The following LAMB1 variants were observed in gnomAD, a reference collection of about 807,000 sequenced individuals.
LAMB1 encodes the protein laminin subunit beta-1.
A neutral mutation model predicts 222.3 loss-of-function variants in LAMB1; 121 were observed. That is an observed-to-expected ratio of 0.54 (90% CI 0.47 to 0.63). The LOEUF (loss-of-function observed/expected upper bound fraction) is 0.63, where lower values mean the gene tolerates loss of function less well. Ranked by LOEUF, LAMB1 falls within the 30% of genes least tolerant of loss-of-function variation. The probability of loss-of-function intolerance (pLI) is 0.00; values close to 1 mark genes in which losing one functional copy is unlikely to be tolerated. For synonymous variants in LAMB1, 794 were observed against 807.2 expected (o/e 0.98, Z 0.28); for missense variants, 2,172 against 2,240.8 (o/e 0.97, Z 0.62).
chr7:107,972,625 C>T (rs1433586815), intron 13 of LAMB1, among the ~76,000 whole-genome samples: 1 of 151,758 alleles, frequency 6.6e-6, no homozygotes. Context: ...AAAAGATTCT[C>T]TACACAAATC....
chr7:107,964,763 G>A (rs2033593842), intron 13 of LAMB1, 76 bp from the exon 14 acceptor site: 2 of 1,540,214 alleles, frequency 1.3e-6, no homozygotes, highest in Non-Finnish European at 1.8e-6. Context: ...CTCTACAGCT[G>A]CCATTACTCA....
intron 27 of LAMB1, among the ~76,000 whole-genome samples, chr7:107,934,321 A>G (rs1314594704): frequency 6.6e-6 from 1 of 152,222 alleles, no homozygotes; most frequent in African/African-American, 2.4e-5. Flanking sequence ...AGCTGTAATG[A>G]AGTTTGAACT....
intron 29 of LAMB1, among the ~76,000 whole-genome samples, chr7:107,930,409 C>T (rs2032676611): frequency 6.6e-6 from 1 of 152,168 alleles, no homozygotes; most frequent in African/African-American, 2.4e-5. Context: ...CTAAGATATC[C>T]TTAGCAAATA....
intron 9 of LAMB1, among the ~76,000 whole-genome samples, chr7:107,977,059 CTCCT>C (rs2033880350): frequency 6.9e-6 from 1 of 145,356 alleles, no homozygotes; most frequent in Non-Finnish European, 1.5e-5. Flanking sequence ...TTTCCTCTCC[CTCCT>C]TCCTTCCTTT....
At position 107,953,562 on chromosome 7, in the gene LAMB1, T is replaced by G; in HGVS notation, c.3047A>C (p.Tyr1016Ser). Residue 1016 changes from tyrosine to serine, a missense_variant, in exon 22 of 34, where the codon TAC (tyrosine) becomes TCC (serine). Coordinates refer to ENST00000222399, the MANE Select transcript of LAMB1 (RefSeq NM_002291.3). ...GEHCQFCRFG[Y>S]YGDALQQDCR... ...GTCCTGCTGGAGGGCATCACCATAG[T>G]ATCCAAACCGGCAGAACTGACAGTG... 3.7e-6 allele frequency: 6 copies of G among 1,614,142 alleles called. No homozygotes were observed. The highest frequency in any genetic ancestry group is 5.1e-6 in the Non-Finnish European group (6 of 1,179,984).
In LAMB1 at chr7:107,959,327, C is replaced by T. The variant is rs1390317121; in HGVS notation, c.2612G>A (p.Gly871Asp). The T allele has an allele frequency of 6.2e-7, 1 of 1,614,232 alleles. No individual in the cohort carries two copies. The highest frequency in any genetic ancestry group is 1.3e-5 in the African/African-American group (1 of 75,050). ...CACTGGGTCGCAGTCATCGGCGTGG[C>T]CATTGCACTGGCAGGGCTGGCAACT... ...FPSCQPCQCN[G>D]HADDCDPVTG... is the part of the protein sequence containing the mutation. Residue 871 changes from glycine (G) to aspartate (D), a missense_variant, in exon 20 of 34, where the codon GGC becomes GAC. Gly to Asp is a moderately conservative substitution (Grantham distance 94). Transcript: ENST00000222399.
chr7:107,969,493 G>A (rs1309364630), intron 13 of LAMB1, among the ~76,000 whole-genome samples: 1 of 152,112 alleles, frequency 6.6e-6, no homozygotes, highest in Non-Finnish European at 1.5e-5. Context: ...TCTCAGGGTG[G>A]CATTCCTCCC....
In LAMB1 at chr7:107,986,273, C is replaced by T. The variant is rs1239012672; in HGVS notation, c.514G>A (p.Ala172Thr). The change falls in exon 6 of 34, where the codon GCC becomes ACC. Residue 172 changes from alanine to threonine, a missense_variant. Physicochemically the swap from Ala to Thr is moderately conservative, Grantham distance 58. Transcript: ENST00000222399. ...VYRYFAYDCE[A>T]SFPGISTGPM... The stretch of plus-strand genomic sequence containing the variant: ...CCAGTTGAAATGCCTGGAAACGAGG[C>T]CTCACAGTCATAGGCGAAGTATCTA... The T allele has an allele frequency of 6.2e-7, 1 of 1,614,070 alleles. No individual in the cohort carries two copies. Among genetic ancestry groups the T allele is most frequent in the Non-Finnish European group, 8.5e-7 (1 of 1,179,982 alleles).
In LAMB1 at chr7:107,999,545, G is replaced by T. The variant is rs971207443; in HGVS notation, c.214-1053C>A. On this transcript the variant is annotated intron_variant, in intron 3 of 33. Coordinates refer to ENST00000222399, the MANE Select transcript of LAMB1 (RefSeq NM_002291.3). Reference sequence around the variant, plus strand: ...TTAGTTATTACCTTCTTCTCAAAAGGATTTGGAGACTGGCAAGATGTACTG... The same window carrying T: ...TTAGTTATTACCTTCTTCTCAAAAGTATTTGGAGACTGGCAAGATGTACTG... Among the ~76,000 whole-genome samples, 4 of 152,150 alleles carry T rather than the reference G, an allele frequency of 2.6e-5. No individual in the cohort carries two copies. In the South Asian group the frequency reaches 8.3e-4, roughly 32 times the overall value.
chr7:107,977,036 C>CCTCCTTCCTTCCTTTCCTCTCT (rs2033879229), intron 9 of LAMB1, among the ~76,000 whole-genome samples: 2 of 112,956 alleles, frequency 1.8e-5, no homozygotes, highest in Non-Finnish European at 3.8e-5. Flanking sequence ...CTTTCCTCTC[C>CCTCCTTCCTTCCTTTCCTCTCT]CTCCTTCCTT....
chr7:107,984,639 C>T (rs1203751593), intron 7 of LAMB1, among the ~76,000 whole-genome samples: 3 of 152,126 alleles, frequency 2.0e-5, no homozygotes, highest in African/African-American at 7.2e-5. Flanking sequence ...CTAACTCTAA[C>T]CATGTGAATA....
chr7:107,931,822 T>C (rs997629513), intron 28 of LAMB1: 3 of 473,120 alleles, frequency 6.3e-6, no homozygotes, highest in African/African-American at 5.9e-5. Flanking sequence ...TGTGTCACTT[T>C]AGAAGAATAA....
intron 5 of LAMB1, among the ~76,000 whole-genome samples, chr7:107,990,654 C>CCA (rs151099357): frequency 0.066 from 10,049 of 152,236 alleles, 1,110 homozygotes; most frequent in African/African-American, 0.23. Flanking sequence ...CCCTTTCCTT[C>CCA]CACTGTTCTG....
chr7:107,991,282 T>C (rs897045613), intron 5 of LAMB1, among the ~76,000 whole-genome samples: 2 of 152,186 alleles, frequency 1.3e-5, no homozygotes, highest in Non-Finnish European at 2.9e-5. Context: ...ATTCATTTCT[T>C]ATTAAAAATA....
intron 3 of LAMB1, among the ~76,000 whole-genome samples, chr7:107,999,375 G>A (rs2034339812): frequency 6.6e-6 from 1 of 152,160 alleles, no homozygotes. Flanking sequence ...CTGAAATGCA[G>A]ACTATTCTTA....
chr7:107,995,094 A>G, intron 4 of LAMB1, 134 bp from the exon 5 acceptor site: 2 of 563,516 alleles, frequency 3.5e-6, no homozygotes, highest in South Asian at 4.9e-5. Flanking sequence ...CTTAAGCTGA[A>G]GCTGAAACTA....
At chr7:107,991,184 G>A (rs1342729182) in intron 5 of LAMB1, among the ~76,000 whole-genome samples, 1 of 152,062 alleles carries the variant, frequency 6.6e-6, no homozygotes, top group Non-Finnish European at 1.5e-5. Context: ...CAAGAATACA[G>A]TAAAAAAGAC....
Position 107,962,953 on chromosome 7 carries a change from G to A in LAMB1, c.1809C>T (p.Asn603=). The A allele has an allele frequency of 1.2e-6, 2 of 1,614,056 alleles. No homozygotes were observed. Among genetic ancestry groups the A allele is most frequent in the East Asian group, 2.2e-5 (1 of 44,876 alleles). The part of the protein sequence containing the change: ...EGAYLEFFID[N]IPYSMEYDIL... ...TGTCGTACTCCATGGAATATGGTAT[G>A]TTGTCAATGAAAAACTCCAAATAAG... Residue 603 remains asparagine, a synonymous_variant, in exon 15 of 34, where the codon AAC becomes AAT. Transcript: ENST00000222399.
chr7:107,943,582 T>TCA (rs563810798), intron 24 of LAMB1, among the ~76,000 whole-genome samples: 348 of 152,266 alleles, frequency 2.3e-3, no homozygotes, highest in Non-Finnish European at 3.5e-3. Context: ...TGGGTAGGTA[T>TCA]CAGAATCACC....
Sources: gnomAD v4.1 joint callset for allele counts (sites outside exome capture counted in the v4.1 genomes callset) on GRCh38, gnomAD v4.1.1 for gene constraint, MANE v1.5 for transcripts, NCBI Gene and HGNC (gene_info 2026-07-23, HGNC 2026-07-21) for gene names.